Variants in CEP350 observed in about 807,000 individuals in gnomAD.
CEP350 encodes the protein centrosomal protein 350, also known as centrosome-associated protein 350.
Under a neutral mutation model 331.8 loss-of-function variants are expected in CEP350, and 126 were observed. That is an observed-to-expected ratio of 0.38 (90% confidence interval 0.33 to 0.44). CEP350 has a LOEUF of 0.44. Ranked by LOEUF, CEP350 falls within the 20% of genes least tolerant of loss-of-function variation. The probability of loss-of-function intolerance (pLI) is 1.00; values close to 1 mark genes in which losing one functional copy is unlikely to be tolerated. For synonymous variants in CEP350, 1,200 were observed against 1,259.5 expected, an observed-to-expected ratio of 0.95 and a Z score of 1.00; for missense variants, 3,406 against 3,634.6, an observed-to-expected ratio of 0.94 and a Z score of 1.62.
intron 14 of CEP350, among the ~76,000 whole-genome samples, chr1:180,029,300 A>C (rs1558112209): frequency 6.6e-6 from 1 of 152,166 alleles, no homozygotes; most frequent in Non-Finnish European, 1.5e-5. Context: ...TAGTTGTTTA[A>C]AGTCAAGAAA....
At chr1:179,985,264 G>C (rs1652571084) in intron 1 of CEP350, among the ~76,000 whole-genome samples, 1 of 152,010 alleles carries the variant, frequency 6.6e-6, no homozygotes, top group African/African-American at 2.4e-5. Context: ...TTGTCTTTTT[G>C]TGATTAGCTT....
intron 8 of CEP350, among the ~76,000 whole-genome samples, chr1:180,006,789 G>A (rs1236802068): frequency 1.3e-5 from 2 of 152,120 alleles, no homozygotes; most frequent in Non-Finnish European, 2.9e-5. Context: ...CCCGATGTGT[G>A]ATGTTCCCCT....
rs748870647 is a variant in CEP350, at chr1:180,095,736, CCATGTGAAA to C, written c.8729_8737del (p.Cys2910_Thr2912del). ...AGAACCTAAAAGAGTAACCCAACAA[CCATGTGAAA>C]CATTATTGGCAGTCCCCCATACTGC... On this transcript the variant is annotated inframe_deletion, in exon 35 of 38. Coordinates refer to ENST00000367607, the MANE Select transcript of CEP350 (RefSeq NM_014810.5). The C allele has an allele frequency of 6.2e-7, 1 of 1,613,974 alleles. No individual in the cohort carries two copies. The highest frequency in any genetic ancestry group is 1.1e-5 in the South Asian group (1 of 91,084).
chr1:180,064,388 C>G (rs573717155), intron 26 of CEP350, among the ~76,000 whole-genome samples: 1 of 152,092 alleles, frequency 6.6e-6, no homozygotes, highest in East Asian at 1.9e-4. Context: ...CATCCAATGA[C>G]TATAAGACTT....
intron 13 of CEP350, 80 bp from the exon 14 acceptor site, chr1:180,024,339 C>T: frequency 7.7e-7 from 1 of 1,300,790 alleles, no homozygotes; most frequent in Non-Finnish European, 1.1e-6. Context: ...CTAGTGATTA[C>T]ATAGATTTTT....
Position 179,971,498 on chromosome 1 carries a change from T to A in CEP350, c.-13-14671T>A, listed in dbSNP as rs541632066. Among the ~76,000 whole-genome samples the A allele has an allele frequency of 1.1e-4, 12 of 113,240 alleles. No homozygotes were observed. The East Asian group carries it at 1.8e-3, about 17-fold the overall frequency. The allele number at this position is 113,240 out of a possible 152,430, so 74.3% of individuals were successfully genotyped here. A position where few individuals can be genotyped will look rare whatever the true frequency, so the allele number is the denominator to read the frequency against. ...GCCACCACACCTGGCTAATTAAAAA[T>A]TTTTTTTTGTGGACACTGGGTCTCA... On this transcript the variant is annotated intron_variant, in intron 1 of 37. Transcript: ENST00000367607.
chr1:179,969,663 A>T (rs2762859), intron 1 of CEP350, among the ~76,000 whole-genome samples: 7 of 151,898 alleles, frequency 4.6e-5, no homozygotes, highest in Admixed American at 4.6e-4. Flanking sequence ...AAAAGAATTC[A>T]GAAACAGAAG....
intron 33 of CEP350, 105 bp downstream of exon 33, chr1:180,090,901 T>C: frequency 1.1e-6 from 1 of 932,936 alleles, no homozygotes. Flanking sequence ...AAAAGTGAAT[T>C]TCTTAAGTAG....
At chr1:180,017,672 C>G (rs546804139) in intron 11 of CEP350, among the ~76,000 whole-genome samples, 14 of 152,348 alleles carry the variant, frequency 9.2e-5, no homozygotes, top group Non-Finnish European at 1.9e-4. Context: ...TGCTACCCAG[C>G]TTCTGAGCTC....
At chr1:180,061,155 ATG>A (rs1430958793) in intron 25 of CEP350, among the ~76,000 whole-genome samples, 1 of 151,858 alleles carries the variant, frequency 6.6e-6, no homozygotes, top group East Asian at 1.9e-4. Context: ...ACAAATTTTA[ATG>A]TGTTTATTAT....
At position 180,001,269 on chromosome 1, in the gene CEP350, T is replaced by C. The variant is rs1251704758; in HGVS notation, c.1019-1905T>C. Among the ~76,000 whole-genome samples, 4 of 152,308 alleles carry C rather than the reference T, an allele frequency of 2.6e-5. No individual in the cohort carries two copies. The South Asian group carries it at 6.2e-4, about 24-fold the overall frequency. On this transcript the variant is annotated intron_variant, in intron 6 of 37. Transcript: ENST00000367607. ...AGAATAGTGATAATTTATTTTATTT[T>C]ATTTTTTGAGACAGAGTCTCAGTCT...
Position 179,991,663 on chromosome 1 carries a change from A to ATG in CEP350, c.236-398_236-397insGT, listed in dbSNP as rs1197805256. Among the ~76,000 whole-genome samples, 412 of 64,266 alleles carry ATG rather than the reference A, an allele frequency of 6.4e-3. 1 individual carries two copies. The highest frequency in any genetic ancestry group is 0.014 in the South Asian group (21 of 1,488). The allele number at this position is 64,266 out of a possible 152,430, so 42.2% of individuals were successfully genotyped here. A position where few individuals can be genotyped will look rare whatever the true frequency, so the allele number is the denominator to read the frequency against. On this transcript the variant is annotated intron_variant, in intron 4 of 37. Transcript: ENST00000367607. ...TACCTAAACTGTGATATGTATATAT[A>ATG]TATATGTGTGTGTGTGTGTGTGTGT...
At chr1:180,098,534 G>A (rs527921776) in intron 36 of CEP350, among the ~76,000 whole-genome samples, 1 of 151,536 alleles carries the variant, frequency 6.6e-6, no homozygotes, top group African/African-American at 2.4e-5. Flanking sequence ...TAGAGATGAG[G>A]TCTCTCACTA....
chr1:180,074,051 T>C (rs1659065086), intron 27 of CEP350: 1 of 660,716 alleles, frequency 1.5e-6, no homozygotes, highest in African/African-American at 1.9e-5. Context: ...TTTTACCTTT[T>C]GTTTCCACAT....
At chr1:179,971,922 A>G (rs1344535535) in intron 1 of CEP350, among the ~76,000 whole-genome samples, 7 of 152,218 alleles carry the variant, frequency 4.6e-5, no homozygotes, top group Admixed American at 4.6e-4. Flanking sequence ...GAGACCCTCA[A>G]AGATCCCTGA....
chr1:179,979,156 T>G (rs946291086), intron 1 of CEP350, among the ~76,000 whole-genome samples: 31 of 152,156 alleles, frequency 2.0e-4, no homozygotes, highest in African/African-American at 7.5e-4. Context: ...CTGTTTTCCA[T>G]AGTGGATATA....
chr1:180,075,531 C>T (rs796978562), intron 28 of CEP350, among the ~76,000 whole-genome samples: 3 of 152,196 alleles, frequency 2.0e-5, no homozygotes, highest in African/African-American at 7.2e-5. Flanking sequence ...ATCAACCCCA[C>T]TGTGCTCCAG....
intron 14 of CEP350, 137 bp from the exon 15 acceptor site, chr1:180,031,183 T>C: frequency 2.1e-6 from 1 of 485,720 alleles, no homozygotes; most frequent in East Asian, 3.6e-5. Context: ...GGAAAACAGA[T>C]TTTGAATATA....
chr1:180,083,937 T>C (rs1659711659), intron 30 of CEP350, 81 bp from the exon 31 acceptor site: 2 of 652,968 alleles, frequency 3.1e-6, no homozygotes, highest in African/African-American at 1.8e-5. Context: ...AATATTACAT[T>C]ACAGCTTTTT....
Sources: allele counts gnomAD v4.1 joint callset (sites outside exome capture counted in the v4.1 genomes callset), GRCh38; gene constraint gnomAD v4.1.1; transcripts MANE v1.5; gene names NCBI Gene and HGNC (gene_info 2026-07-23, HGNC 2026-07-21).